LIPA: variants seen among roughly 807,000 people sequenced by gnomAD.
LIPA encodes the protein lipase A, lysosomal acid type.
LIPA carries 26 observed loss-of-function variants against 40.6 expected under a neutral mutation model. The ratio of observed to expected loss-of-function variants is 0.64; its 90% CI spans 0.47 to 0.89. The LOEUF (loss-of-function observed/expected upper bound fraction) is 0.89, where lower values mean the gene tolerates loss of function less well. LIPA is among the 40% of genes least tolerant of loss of function. The pLI, the probability that LIPA is intolerant of heterozygous loss-of-function variation, is 0.00. For synonymous variants in LIPA, 188 were observed against 168.4 expected, an observed-to-expected ratio of 1.12 and a Z score of -0.90; for missense variants, 455 against 479.6, an observed-to-expected ratio of 0.95 and a Z score of 0.48.
At chr10:89,366,714 T>C (rs1037565703) in intron 2 of LIPA, among the ~76,000 whole-genome samples, 3 of 152,238 alleles carry the variant, frequency 2.0e-5, no homozygotes, top group Non-Finnish European at 4.4e-5. Flanking sequence ...GGAACACTTT[T>C]ACACTGTTGG....
chr10:89,361,155 C>G (rs1844019427), intron 2 of LIPA, among the ~76,000 whole-genome samples: 1 of 152,164 alleles, frequency 6.6e-6, no homozygotes, highest in Non-Finnish European at 1.5e-5. Context: ...TTCAGAGCAT[C>G]TTTTTGGTGG....
At chr10:89,312,304 G>A (rs896367898) in intron 1 of LIPA, among the ~76,000 whole-genome samples, 4 of 152,012 alleles carry the variant, frequency 2.6e-5, no homozygotes, top group African/African-American at 9.7e-5. Context: ...AGCTGGGCTT[G>A]GTGGCATGCA....
At chr10:89,307,541 G>C (rs1843490386) in intron 1 of LIPA, 2 of 594,896 alleles carry the variant, frequency 3.4e-6, no homozygotes, top group Admixed American at 3.1e-5. Context: ...GCTGGGTCTT[G>C]AGAGAGCCCA....
At chr10:89,234,255 G>A (rs940391185) in intron 3 of LIPA, among the ~76,000 whole-genome samples, 1 of 152,254 alleles carries the variant, frequency 6.6e-6, no homozygotes, top group African/African-American at 2.4e-5. Context: ...CTGACGCGCA[G>A]CCAGGCTGGG....
chr10:89,373,130 G>A (rs1179393949), intron 2 of LIPA, among the ~76,000 whole-genome samples: 2 of 151,724 alleles, frequency 1.3e-5, no homozygotes, highest in Non-Finnish European at 2.9e-5. Context: ...TCAGGAGATC[G>A]AGACCATCCT....
intron 1 of LIPA, chr10:89,338,589 A>G: frequency 3.6e-6 from 5 of 1,407,138 alleles, no homozygotes; most frequent in Non-Finnish European, 4.9e-6. Context: ...CAATTGACAT[A>G]TAAAATTAAT....
At chr10:89,351,714 C>T (rs1455825690) in intron 2 of LIPA, among the ~76,000 whole-genome samples, 1 of 152,176 alleles carries the variant, frequency 6.6e-6, no homozygotes, top group Non-Finnish European at 1.5e-5. Flanking sequence ...AGCCATGGTC[C>T]AAGTCCAAGG....
chr10:89,382,696 T>A (rs1844172028), intron 2 of LIPA, among the ~76,000 whole-genome samples: 1 of 152,258 alleles, frequency 6.6e-6, no homozygotes, highest in African/African-American at 2.4e-5. Context: ...GCTGCCCTTG[T>A]GAGGTGGTTC....
intron 1 of LIPA, chr10:89,341,022 C>G (rs1234484002): frequency 1.3e-5 from 2 of 152,088 alleles, no homozygotes; most frequent in Admixed American, 1.3e-4. Context: ...AATATTAATT[C>G]CCAAAATTTC....
intron 1 of LIPA, among the ~76,000 whole-genome samples, chr10:89,294,048 A>G (rs1188051244): frequency 1.3e-5 from 2 of 152,362 alleles, no homozygotes; most frequent in East Asian, 1.9e-4. Flanking sequence ...CTCAGTAAGT[A>G]TTGATTTGAT....
chr10:89,359,815 T>TCACA (rs61589202), intron 2 of LIPA, among the ~76,000 whole-genome samples: 30,384 of 145,918 alleles, frequency 0.21, 3,391 homozygotes, highest in East Asian at 0.54. Flanking sequence ...TCTCTCTCTC[T>TCACA]CACACACACA....
At chr10:89,299,217 G>T (rs1436679608) in intron 1 of LIPA, among the ~76,000 whole-genome samples, 1 of 151,488 alleles carries the variant, frequency 6.6e-6, no homozygotes, top group Admixed American at 6.6e-5. Context: ...TATACAAGAA[G>T]CTTCAACAGT....
At chr10:89,354,869 G>A (rs1179577971) in intron 2 of LIPA, among the ~76,000 whole-genome samples, 1 of 152,118 alleles carries the variant, frequency 6.6e-6, no homozygotes, top group Non-Finnish European at 1.5e-5. Context: ...CCCGGTGTAT[G>A]TTAGAAGGTT....
intron 8 of LIPA, among the ~76,000 whole-genome samples, chr10:89,219,899 G>A (rs1178133846): frequency 6.6e-6 from 1 of 152,246 alleles, no homozygotes; most frequent in Non-Finnish European, 1.5e-5. Context: ...CAAATATTCT[G>A]GAGGTATATT....
chr10:89,351,590 C>G (rs1843958970), intron 2 of LIPA, among the ~76,000 whole-genome samples: 1 of 152,166 alleles, frequency 6.6e-6, no homozygotes, highest in Non-Finnish European at 1.5e-5. Flanking sequence ...CAGGCAGCCA[C>G]AGGTTTCAGT....
At chr10:89,376,083 G>A (rs1176920898) in intron 2 of LIPA, among the ~76,000 whole-genome samples, 4 of 151,192 alleles carry the variant, frequency 2.6e-5, no homozygotes, top group African/African-American at 9.7e-5. Context: ...AGCTACTCTG[G>A]AGGCTGAGGC....
chr10:89,307,078 T>C, intron 1 of LIPA: 4 of 1,614,038 alleles, frequency 2.5e-6, no homozygotes, highest in Non-Finnish European at 1.7e-6. Context: ...AACTGCTCCA[T>C]CTGCGGTATG....
chr10:89,268,136 T>C (rs1166232287), intron 1 of LIPA, among the ~76,000 whole-genome samples: 1 of 152,206 alleles, frequency 6.6e-6, no homozygotes, highest in East Asian at 1.9e-4. Context: ...TCCACTCTCC[T>C]TTGGAAGAGG....
intron 2 of LIPA, among the ~76,000 whole-genome samples, chr10:89,350,047 T>A (rs1409275419): frequency 2.0e-5 from 3 of 152,158 alleles, no homozygotes; most frequent in Non-Finnish European, 4.4e-5. Context: ...TCCCCAAATA[T>A]TTGTCTTTGC....
Sources: allele counts gnomAD v4.1 joint callset (sites outside exome capture counted in the v4.1 genomes callset), GRCh38; gene constraint gnomAD v4.1.1; transcripts MANE v1.5; gene names NCBI Gene and HGNC (gene_info 2026-07-23, HGNC 2026-07-21).